Variants in AP1S3 observed in about 807,000 individuals in gnomAD.
AP1S3 encodes AP-1 complex subunit sigma-3.
A neutral mutation model predicts 20.9 loss-of-function variants in AP1S3; 10 were observed. The ratio of observed to expected loss-of-function variants is 0.48; its 90% CI spans 0.29 to 0.81. The LOEUF is 0.81. Among genes scored for constraint, AP1S3 ranks in the 30% least tolerant of loss-of-function variants. The pLI, the probability that AP1S3 is intolerant of heterozygous loss-of-function variation, is 0.08. For missense variants in AP1S3, 154 were observed against 183.8 expected (o/e 0.84, Z 0.94); for synonymous variants, 41 against 61.5 (o/e 0.67, Z 1.56).
At chr2:223,793,863 C>T (rs115329576) in intron 1 of AP1S3, among the ~76,000 whole-genome samples, 248 of 151,868 alleles carry the variant, frequency 1.6e-3, no homozygotes, top group Non-Finnish European at 3.2e-3. Flanking sequence ...AGGCTCGTCT[C>T]GAACTCCTGA....
chr2:223,824,717 A>T (rs1692079553), intron 1 of AP1S3, among the ~76,000 whole-genome samples: 1 of 151,900 alleles, frequency 6.6e-6, no homozygotes, highest in Admixed American at 6.6e-5. Context: ...CTATATTTTC[A>T]GGAGAGATAG....
intron 4 of AP1S3, among the ~76,000 whole-genome samples, chr2:223,763,029 C>G (rs1205123799): frequency 6.6e-6 from 1 of 152,166 alleles, no homozygotes; most frequent in African/African-American, 2.4e-5. Context: ...TATGCAAAGT[C>G]AATTCTTCAA....
chr2:223,788,597 C>CAAA (rs550638882), intron 1 of AP1S3, among the ~76,000 whole-genome samples: 12 of 104,042 alleles, frequency 1.2e-4, no homozygotes, highest in African/African-American at 3.9e-4. Context: ...ACTAAAAATA[C>CAAA]AAAAAAAAAA....
At chr2:223,794,391 A>C (rs1170366840) in intron 1 of AP1S3, among the ~76,000 whole-genome samples, 1 of 152,152 alleles carries the variant, frequency 6.6e-6, no homozygotes. Context: ...TAAATTATCC[A>C]GGAGTCAGAC....
intron 3 of AP1S3, among the ~76,000 whole-genome samples, chr2:223,773,923 TG>T (rs1383191549): frequency 3.3e-5 from 5 of 152,236 alleles, no homozygotes; most frequent in African/African-American, 1.2e-4. Context: ...GGCCCACAGC[TG>T]GTTACAAGTT....
chr2:223,806,529 C>T (rs1292100253), intron 1 of AP1S3, among the ~76,000 whole-genome samples: 4 of 152,016 alleles, frequency 2.6e-5, no homozygotes, highest in African/African-American at 9.7e-5. Flanking sequence ...CGTGATCTGC[C>T]CACCTCAGCC....
At chr2:223,825,786 G>A (rs1313143233) in intron 1 of AP1S3, among the ~76,000 whole-genome samples, 2 of 152,216 alleles carry the variant, frequency 1.3e-5, no homozygotes, top group Admixed American at 6.5e-5. Context: ...GGAGGCCGAG[G>A]TGGGTGGATC....
intron 1 of AP1S3, among the ~76,000 whole-genome samples, chr2:223,822,736 T>C (rs757338559): frequency 5.3e-5 from 8 of 151,852 alleles, no homozygotes; most frequent in Non-Finnish European, 7.4e-5. Context: ...AATAAACTCC[T>C]CTATTACATC....
At chr2:223,818,187 T>G (rs1468728176) in intron 1 of AP1S3, among the ~76,000 whole-genome samples, 1 of 152,094 alleles carries the variant, frequency 6.6e-6, no homozygotes, top group Admixed American at 6.6e-5. Context: ...GAGGCCAAAG[T>G]AGGTGGATCT....
chr2:223,763,795 CAAGTA>C lies in AP1S3; in HGVS notation c.429+1413_429+1417del, dbSNP rs1411510797. 3.3e-5 allele frequency among the ~76,000 whole-genome samples: 5 copies of C among 152,336 alleles called. No individual in the cohort carries two copies. In the East Asian group the frequency reaches 9.6e-4, roughly 29 times the overall value. The stretch of plus-strand genomic sequence containing the variant: ...GACTGATGCTCTGGCTGGGCAGGAG[CAAGTA>C]ATCAGCCTAAAGATGCACCAAAACA... On this transcript the variant is annotated intron_variant, in intron 4 of 4. Coordinates refer to ENST00000396654, the MANE Select transcript of AP1S3 (RefSeq NM_001039569.2).
intron 1 of AP1S3, among the ~76,000 whole-genome samples, chr2:223,806,815 T>C (rs1417178813): frequency 6.6e-6 from 1 of 152,184 alleles, no homozygotes; most frequent in Admixed American, 6.6e-5. Flanking sequence ...TTATAACATC[T>C]TAAGAAGAAA....
At chr2:223,833,890 A>G (rs928506641) in intron 1 of AP1S3, among the ~76,000 whole-genome samples, 2 of 141,920 alleles carry the variant, frequency 1.4e-5, no homozygotes, top group South Asian at 2.1e-4. Flanking sequence ...CTTTTTATTT[A>G]TTTATTTATT....
At chr2:223,795,272 A>G (rs1231508978) in intron 1 of AP1S3, among the ~76,000 whole-genome samples, 3 of 152,166 alleles carry the variant, frequency 2.0e-5, no homozygotes, top group Non-Finnish European at 2.9e-5. Flanking sequence ...AAAATTTTAA[A>G]AATTTATAAA....
chr2:223,828,821 GA>G (rs1301083823), intron 1 of AP1S3, among the ~76,000 whole-genome samples: 1 of 151,460 alleles, frequency 6.6e-6, no homozygotes, highest in Admixed American at 6.6e-5. Flanking sequence ...GGTAAACTTT[GA>G]AAAAGGGATC....
At chr2:223,810,373 C>A (rs1332055823) in intron 1 of AP1S3, among the ~76,000 whole-genome samples, 1 of 152,080 alleles carries the variant, frequency 6.6e-6, no homozygotes, top group African/African-American at 2.4e-5. Flanking sequence ...AGTGCAGTGG[C>A]ACAATCACCA....
chr2:223,792,636 G>C (rs1449983011), intron 1 of AP1S3, among the ~76,000 whole-genome samples: 1 of 151,914 alleles, frequency 6.6e-6, no homozygotes, highest in Non-Finnish European at 1.5e-5. Context: ...AGAAAAGCTA[G>C]GCAATACCAT....
intron 1 of AP1S3, among the ~76,000 whole-genome samples, chr2:223,786,686 G>C (rs934003130): frequency 6.6e-6 from 1 of 152,124 alleles, no homozygotes; most frequent in African/African-American, 2.4e-5. Flanking sequence ...CAGATCGCTT[G>C]AGCTCAAGAG....
intron 1 of AP1S3, among the ~76,000 whole-genome samples, chr2:223,780,796 C>G (rs1690929395): frequency 6.6e-6 from 1 of 150,810 alleles, no homozygotes; most frequent in African/African-American, 2.4e-5. Context: ...TTCATAATTT[C>G]AATTTCTGTG....
chr2:223,765,490 A>T, intron 3 of AP1S3, 140 bp from the exon 4 acceptor site: 1 of 873,102 alleles, frequency 1.1e-6, no homozygotes, highest in African/African-American at 1.7e-5. Flanking sequence ...AAGGACAGAA[A>T]AAAAGAACAG....
Sources: gnomAD v4.1 joint callset for allele counts (sites outside exome capture counted in the v4.1 genomes callset) on GRCh38, gnomAD v4.1.1 for gene constraint, MANE v1.5 for transcripts, NCBI Gene and HGNC (gene_info 2026-07-23, HGNC 2026-07-21) for gene names.